Variants in ITGA9 observed in about 807,000 individuals in gnomAD.
ITGA9 encodes the protein integrin subunit alpha 9.
A neutral mutation model predicts 127.8 loss-of-function variants in ITGA9; 56 were observed. The ratio of observed to expected loss-of-function variants is 0.44; its 90% CI spans 0.35 to 0.55. ITGA9 has a LOEUF of 0.55. Among genes scored for constraint, ITGA9 ranks in the 20% least tolerant of loss-of-function variants. ITGA9 has a pLI of 0.00. For synonymous variants in ITGA9, 508 were observed against 514.5 expected (o/e 0.99, Z 0.17); for missense variants, 1,196 against 1,347.1 (o/e 0.89, Z 1.76).
At chr3:37,502,787 G>A (rs973970877) in intron 5 of ITGA9, among the ~76,000 whole-genome samples, 1 of 152,176 alleles carries the variant, frequency 6.6e-6, no homozygotes, top group Non-Finnish European at 1.5e-5. Flanking sequence ...TCCAGGCAGG[G>A]TGCGGTATTG....
chr3:37,819,049 C>A lies in ITGA9; in HGVS notation c.*60C>A, dbSNP rs893443555. ...CTGTCATCCTTGGTCTTTGTATCTTCCATATTTGGAAGAAAAAAATCTTCT... is the reference window on the plus strand; with the variant it reads ...CTGTCATCCTTGGTCTTTGTATCTTACATATTTGGAAGAAAAAAATCTTCT... On this transcript the variant is annotated 3_prime_UTR_variant, in exon 28 of 28. Transcript: ENST00000264741. 1 of 1,247,932 alleles carries A rather than the reference C, an allele frequency of 8.0e-7. No homozygotes were observed. Among genetic ancestry groups the A allele is most frequent in the South Asian group, 1.2e-5 (1 of 83,062 alleles). 77.3% of individuals were successfully genotyped at this position (1,247,932 alleles called of 1,614,324 possible). A position where few individuals can be genotyped will look rare whatever the true frequency, so the allele number is the denominator to read the frequency against.
At chr3:37,529,673 T>G (rs1699128998) in intron 13 of ITGA9, among the ~76,000 whole-genome samples, 2 of 152,106 alleles carry the variant, frequency 1.3e-5, no homozygotes, top group Non-Finnish European at 2.9e-5. Context: ...TCAGAGGTGG[T>G]CACCCTCAGC....
intron 26 of ITGA9, among the ~76,000 whole-genome samples, chr3:37,789,040 C>T (rs1052244435): frequency 6.6e-6 from 1 of 151,916 alleles, no homozygotes; most frequent in African/African-American, 2.4e-5. Flanking sequence ...CTTCTTATTC[C>T]CTGGGGTAGT....
chr3:37,724,909 A>G (rs997654300), intron 18 of ITGA9, among the ~76,000 whole-genome samples: 3 of 152,208 alleles, frequency 2.0e-5, no homozygotes, highest in Non-Finnish European at 2.9e-5. Flanking sequence ...TGGATGATGT[A>G]TAAGTCCTTT....
chr3:37,499,626 A>G (rs1311824414), intron 5 of ITGA9, among the ~76,000 whole-genome samples: 3 of 152,124 alleles, frequency 2.0e-5, no homozygotes, highest in African/African-American at 4.8e-5. Flanking sequence ...ATCCATAGGG[A>G]ACAGAAAAAA....
At chr3:37,762,251 A>T (rs1328048521) in intron 23 of ITGA9, among the ~76,000 whole-genome samples, 1 of 152,224 alleles carries the variant, frequency 6.6e-6, no homozygotes, top group Non-Finnish European at 1.5e-5. Flanking sequence ...ATCAACTCAG[A>T]AAAGGCAGAT....
At position 37,653,764 on chromosome 3, in the gene ITGA9, G is replaced by A; in HGVS notation, c.1890G>A (p.Gln630=). The change falls in exon 17 of 28, where the codon CAG becomes CAA. Residue 630 remains glutamine (Q), a synonymous_variant. Coordinates refer to ENST00000264741, the MANE Select transcript of ITGA9 (RefSeq NM_002207.3). ...CRSEDCAADL[Q]LQGKLLLSSM... is the part of the protein sequence containing the mutation. ...CAGAGGACTGTGCCGCAGACCTGCAGCTTCAGGGTAAACTGCTGCTCTCCA... is the reference window on the plus strand; with the variant it reads ...CAGAGGACTGTGCCGCAGACCTGCAACTTCAGGGTAAACTGCTGCTCTCCA... The A allele has an allele frequency of 6.2e-7, 1 of 1,613,916 alleles. No individual in the cohort carries two copies. Among genetic ancestry groups the A allele is most frequent in the Non-Finnish European group, 8.5e-7 (1 of 1,179,802 alleles).
intron 23 of ITGA9, among the ~76,000 whole-genome samples, chr3:37,769,201 GGT>G (rs1696813885): frequency 6.6e-6 from 1 of 151,954 alleles, no homozygotes; most frequent in Non-Finnish European, 1.5e-5. Context: ...AGCCAGGCAT[GGT>G]GGCACACACC....
intron 18 of ITGA9, among the ~76,000 whole-genome samples, chr3:37,704,787 G>T (rs1700985827): frequency 6.6e-6 from 1 of 152,242 alleles, no homozygotes; most frequent in African/African-American, 2.4e-5. Flanking sequence ...TCCTGTGTCA[G>T]CTGGAATCCT....
chr3:37,697,225 C>T (rs900277497), intron 18 of ITGA9, among the ~76,000 whole-genome samples: 5 of 152,126 alleles, frequency 3.3e-5, no homozygotes, highest in Admixed American at 6.5e-5. Context: ...TCATGACCTA[C>T]ACCTGGCTAA....
chr3:37,751,337 T>C (rs1212880412), intron 23 of ITGA9, among the ~76,000 whole-genome samples: 1 of 152,192 alleles, frequency 6.6e-6, no homozygotes, highest in Non-Finnish European at 1.5e-5. Context: ...TGTACTATGG[T>C]TGGAACTTAG....
At chr3:37,677,773 A>G (rs1384032629) in intron 17 of ITGA9, among the ~76,000 whole-genome samples, 1 of 152,178 alleles carries the variant, frequency 6.6e-6, no homozygotes, top group Non-Finnish European at 1.5e-5. Flanking sequence ...CCAGCTGTCA[A>G]ATTCCATGTC....
intron 16 of ITGA9, among the ~76,000 whole-genome samples, chr3:37,640,764 G>A (rs1700324687): frequency 6.6e-6 from 1 of 152,238 alleles, no homozygotes; most frequent in South Asian, 2.1e-4. Flanking sequence ...AGGCTGTGCA[G>A]TGAGATCAGG....
At chr3:37,586,652 A>G (rs1699762834) in intron 15 of ITGA9, among the ~76,000 whole-genome samples, 1 of 152,024 alleles carries the variant, frequency 6.6e-6, no homozygotes, top group African/African-American at 2.4e-5. Context: ...TTTTGGGGGG[A>G]AAATTCCAAA....
intron 17 of ITGA9, among the ~76,000 whole-genome samples, chr3:37,674,368 C>T (rs1032002086): frequency 1.3e-5 from 2 of 152,164 alleles, no homozygotes; most frequent in African/African-American, 4.8e-5. Context: ...TGCTGTTGTA[C>T]CTTGGAAATG....
intron 23 of ITGA9, among the ~76,000 whole-genome samples, chr3:37,756,148 T>A (rs1696650020): frequency 7.5e-6 from 1 of 133,538 alleles, no homozygotes; most frequent in Non-Finnish European, 1.6e-5. Context: ...TTACCCAGAA[T>A]GTAAGGCATT....
chr3:37,472,213 A>G (rs1698438179), intron 2 of ITGA9, among the ~76,000 whole-genome samples: 1 of 152,208 alleles, frequency 6.6e-6, no homozygotes, highest in Non-Finnish European at 1.5e-5. Flanking sequence ...CTTCAAGATC[A>G]AGACTAATAT....
At chr3:37,476,702 G>A (rs1698498630) in intron 3 of ITGA9, among the ~76,000 whole-genome samples, 4 of 152,114 alleles carry the variant, frequency 2.6e-5, no homozygotes, top group South Asian at 4.1e-4. Flanking sequence ...AGCCTGTTAA[G>A]GGTTTTCTGG....
chr3:37,683,134 A>C (rs1700749185), intron 17 of ITGA9, among the ~76,000 whole-genome samples: 1 of 152,084 alleles, frequency 6.6e-6, no homozygotes, highest in African/African-American at 2.4e-5. Flanking sequence ...CTCTGAGCTC[A>C]ATCCTTCCTG....
Sources: allele counts gnomAD v4.1 joint callset (sites outside exome capture counted in the v4.1 genomes callset), GRCh38; gene constraint gnomAD v4.1.1; transcripts MANE v1.5; gene names NCBI Gene and HGNC (gene_info 2026-07-23, HGNC 2026-07-21).